Variants in SPIRE1 observed in about 807,000 individuals in gnomAD.
The protein encoded by SPIRE1 is spire type actin nucleation factor 1, also known as protein spire homolog 1.
A neutral mutation model predicts 94.1 loss-of-function variants in SPIRE1; 40 were observed. The ratio of observed to expected loss-of-function variants is 0.43; its 90% CI spans 0.33 to 0.55. The LOEUF is 0.55. SPIRE1 is among the 20% of genes least tolerant of loss of function. The pLI is 0.06. For missense variants in SPIRE1, 838 were observed against 975.2 expected, an observed-to-expected ratio of 0.86 and a Z score of 1.87; for synonymous variants, 376 against 371.7, an observed-to-expected ratio of 1.01 and a Z score of -0.13.
In SPIRE1 at chr18:12,546,740, T is replaced by G; in HGVS notation, c.537A>C (p.Glu179Asp). Reference sequence around the variant, plus strand: ...TCTTTTCATCTTCATCTCCCAGGCCTTCTTCTGCAGCCTCATAGCCCTCAT... The same window carrying G: ...TCTTTTCATCTTCATCTCCCAGGCCGTCTTCTGCAGCCTCATAGCCCTCAT... ...SNDEGYEAAEEGLGDEDEKRK... is the reference protein window; with the variant it reads ...SNDEGYEAAEDGLGDEDEKRK... The change falls in exon 3 of 17, where the codon GAA (glutamate) becomes GAC (aspartate). Residue 179 changes from glutamate to aspartate, a missense_variant. This residue lies in a region of SPIRE1 where 645 missense variants were observed against 804.7 expected (regional missense o/e 0.80). Transcript: ENST00000409402. 6.2e-7 allele frequency: 1 copy of G among 1,614,206 alleles called. No homozygotes were observed. Among genetic ancestry groups the G allele is most frequent in the South Asian group, 1.1e-5 (1 of 91,082 alleles).
chr18:12,648,735 C>G (rs2038293047), intron 1 of SPIRE1, among the ~76,000 whole-genome samples: 1 of 151,586 alleles, frequency 6.6e-6, no homozygotes, highest in African/African-American at 2.4e-5. Flanking sequence ...ACTAAAAATA[C>G]AAAATTACCC....
At chr18:12,535,724 A>G (rs2034821758) in intron 3 of SPIRE1, 123 bp from the exon 4 acceptor site, 2 of 742,360 alleles carry the variant, frequency 2.7e-6, no homozygotes, top group Non-Finnish European at 4.3e-6. Flanking sequence ...TGGGAGGCCA[A>G]CGCAGGCAGA....
At chr18:12,619,508 G>A (rs151007941) in intron 2 of SPIRE1, among the ~76,000 whole-genome samples, 4 of 149,210 alleles carry the variant, frequency 2.7e-5, no homozygotes, top group Admixed American at 1.3e-4. Flanking sequence ...ACTCCGTCTC[G>A]AAAAACAAAT....
Position 12,559,137 on chromosome 18 carries a change from C to T in SPIRE1, c.373-12233G>A, listed in dbSNP as rs1225224932. Among the ~76,000 whole-genome samples, 32 of 138,500 alleles carry T rather than the reference C, an allele frequency of 2.3e-4. No individual in the cohort carries two copies. The highest frequency in any genetic ancestry group is 7.0e-4 in the African/African-American group (27 of 38,814). 90.9% of individuals were successfully genotyped at this position (138,500 alleles called of 152,430 possible). A position where few individuals can be genotyped will look rare whatever the true frequency, so the allele number is the denominator to read the frequency against. ...CCAGGCACCTTGGAGCAGGGGGAGG[C>T]GCCCCCTGGGGAGGCTCCATCTGCT... On this transcript the variant is annotated intron_variant, in intron 2 of 16. Transcript: ENST00000409402. This position sits in a 1 kb window ranked among gnomAD's most constrained non-coding sequence, Gnocchi z 4.7.
intron 6 of SPIRE1, among the ~76,000 whole-genome samples, chr18:12,501,329 T>C (rs1450551873): frequency 1.3e-5 from 2 of 152,080 alleles, no homozygotes; most frequent in Non-Finnish European, 2.9e-5. Flanking sequence ...ATATAATAAA[T>C]GGGTACATGG....
At chr18:12,595,022 A>C (rs2036631539) in intron 2 of SPIRE1, among the ~76,000 whole-genome samples, 1 of 152,232 alleles carries the variant, frequency 6.6e-6, no homozygotes, top group African/African-American at 2.4e-5. Flanking sequence ...TCATGCCTGC[A>C]ATCCCAGCAC....
Position 12,516,803 on chromosome 18 carries a change from T to C in SPIRE1, c.730-4272A>G, listed in dbSNP as rs114410657. ...GGGCCCCTTTTCCACCCAACCTTAA[T>C]TTTTACTATTCTCCGACACATCCCT... On this transcript the variant is annotated intron_variant, in intron 4 of 16. Transcript: ENST00000409402. Among the ~76,000 whole-genome samples, 1,173 of 152,322 alleles carry C rather than the reference T, an allele frequency of 7.7e-3. 23 individuals are homozygous for C. Among genetic ancestry groups the C allele is most frequent in the African/African-American group, 0.026 (1,081 of 41,572 alleles).
chr18:12,569,031 C>T (rs1328332727), intron 2 of SPIRE1, among the ~76,000 whole-genome samples: 1 of 152,124 alleles, frequency 6.6e-6, no homozygotes, highest in Non-Finnish European at 1.5e-5. Flanking sequence ...AAAATTAACC[C>T]ATACTCTTAG....
At chr18:12,478,826 A>T (rs563950558) in intron 10 of SPIRE1, among the ~76,000 whole-genome samples, 1 of 152,222 alleles carries the variant, frequency 6.6e-6, no homozygotes, top group Non-Finnish European at 1.5e-5. Context: ...ATATAGGTGG[A>T]TGTTGACATC....
intron 2 of SPIRE1, among the ~76,000 whole-genome samples, chr18:12,602,359 A>G (rs2036859514): frequency 6.6e-6 from 1 of 152,156 alleles, no homozygotes; most frequent in African/African-American, 2.4e-5. Context: ...TTTTCCAAGC[A>G]ATGATCCCAA....
intron 1 of SPIRE1, among the ~76,000 whole-genome samples, chr18:12,637,916 A>G (rs1413380935): frequency 6.6e-6 from 1 of 152,232 alleles, no homozygotes; most frequent in Non-Finnish European, 1.5e-5. Flanking sequence ...AAATGCTGTA[A>G]AAGTACTAAA....
intron 3 of SPIRE1, among the ~76,000 whole-genome samples, chr18:12,542,189 G>A (rs1482623824): frequency 6.6e-6 from 1 of 151,960 alleles, no homozygotes; most frequent in African/African-American, 2.4e-5. Context: ...ATGGTAGTCA[G>A]GTCTCGAACT....
chr18:12,477,943 G>A (rs955792229), intron 10 of SPIRE1, among the ~76,000 whole-genome samples: 1 of 152,060 alleles, frequency 6.6e-6, no homozygotes, highest in East Asian at 1.9e-4. Flanking sequence ...GGAGCCTTCC[G>A]AAGGTTTTAA....
At chr18:12,580,534 G>C (rs980837107) in intron 2 of SPIRE1, among the ~76,000 whole-genome samples, 3 of 152,226 alleles carry the variant, frequency 2.0e-5, no homozygotes, top group African/African-American at 7.2e-5. Flanking sequence ...ATGTTGGCCA[G>C]GCTGGTCTTA....
intron 1 of SPIRE1, among the ~76,000 whole-genome samples, chr18:12,641,703 G>A (rs1362389926): frequency 6.6e-6 from 1 of 151,990 alleles, no homozygotes; most frequent in African/African-American, 2.4e-5. Context: ...GGCCACTGAG[G>A]ACTTGGAATC....
intron 16 of SPIRE1, among the ~76,000 whole-genome samples, 159 bp from the exon 17 acceptor site, chr18:12,450,055 A>T (rs2031154472): frequency 6.6e-6 from 1 of 152,170 alleles, no homozygotes; most frequent in South Asian, 2.1e-4. Context: ...CTTATTGGTG[A>T]CAAGGCTAAA....
At chr18:12,584,950 C>A (rs2036353697) in intron 2 of SPIRE1, among the ~76,000 whole-genome samples, 1 of 152,016 alleles carries the variant, frequency 6.6e-6, no homozygotes, top group Non-Finnish European at 1.5e-5. Flanking sequence ...GGAATACAGG[C>A]ATGTGCCACC....
intron 2 of SPIRE1, among the ~76,000 whole-genome samples, chr18:12,625,494 G>A (rs971684085): frequency 6.6e-6 from 1 of 152,194 alleles, no homozygotes; most frequent in South Asian, 2.1e-4. Context: ...CCCATAAAGC[G>A]TAAGATCAGG....
chr18:12,598,575 C>G (rs1395719979), intron 2 of SPIRE1, among the ~76,000 whole-genome samples: 3 of 151,986 alleles, frequency 2.0e-5, no homozygotes, highest in African/African-American at 7.2e-5. Context: ...ATTCTCGAGA[C>G]TTTTCTAACA....
Sources: gnomAD v4.1 joint callset for allele counts (sites outside exome capture counted in the v4.1 genomes callset) on GRCh38, gnomAD v4.1.1 for gene constraint, gnomAD v4.1.1 regional missense constraint, Gnocchi (gnomAD v3.1) non-coding constraint, MANE v1.5 for transcripts, NCBI Gene and HGNC (gene_info 2026-07-23, HGNC 2026-07-21) for gene names.